ARHGAP24: variants seen among roughly 807,000 people sequenced by gnomAD.
ARHGAP24 encodes the protein rho GTPase-activating protein 24.
Under a neutral mutation model 76.4 loss-of-function variants are expected in ARHGAP24, and 50 were observed. That is an observed-to-expected ratio of 0.65 (90% CI 0.52 to 0.83). The LOEUF (loss-of-function observed/expected upper bound fraction) is 0.83, where lower values mean the gene tolerates loss of function less well. Ranked by LOEUF, ARHGAP24 falls within the 40% of genes least tolerant of loss-of-function variation. ARHGAP24 has a pLI of 0.00. For missense variants in ARHGAP24, 930 were observed against 914.2 expected (o/e 1.02, Z -0.22); for synonymous variants, 345 against 323.3 (o/e 1.07, Z -0.72).
chr4:85,681,192 A>G (rs368248778), intron 2 of ARHGAP24, among the ~76,000 whole-genome samples: 5 of 152,286 alleles, frequency 3.3e-5, no homozygotes, highest in African/African-American at 1.2e-4. Context: ...TTTATGAGAC[A>G]GTAGGATTAA....
At chr4:85,808,302 C>G (rs1728876154) in intron 3 of ARHGAP24, among the ~76,000 whole-genome samples, 1 of 152,300 alleles carries the variant, frequency 6.6e-6, no homozygotes, top group African/African-American at 2.4e-5. Flanking sequence ...TGTTAACTTA[C>G]TTTTCAACTC....
At chr4:85,648,641 C>T (rs1329171162) in intron 2 of ARHGAP24, among the ~76,000 whole-genome samples, 1 of 151,996 alleles carries the variant, frequency 6.6e-6, no homozygotes, top group Admixed American at 6.6e-5. Context: ...ATATGTCATA[C>T]AAGTGGAAAC....
At chr4:85,998,092 C>CTGTT (rs1198586461) in intron 9 of ARHGAP24, among the ~76,000 whole-genome samples, 1 of 152,146 alleles carries the variant, frequency 6.6e-6, no homozygotes, top group Non-Finnish European at 1.5e-5. Flanking sequence ...GAGATCAAGT[C>CTGTT]TGTTAATCAG....
chr4:85,839,835 T>G (rs1730491660), intron 3 of ARHGAP24, among the ~76,000 whole-genome samples: 1 of 139,672 alleles, frequency 7.2e-6, no homozygotes, highest in Non-Finnish European at 1.5e-5. Flanking sequence ...GTGTCTTTTT[T>G]CTGTTTTCTT....
At chr4:85,583,983 C>T (rs1383205727) in intron 2 of ARHGAP24, among the ~76,000 whole-genome samples, 1 of 149,028 alleles carries the variant, frequency 6.7e-6, no homozygotes, top group Admixed American at 6.6e-5. Context: ...AACACTTTGA[C>T]ACTGTTGGTG....
intron 4 of ARHGAP24, among the ~76,000 whole-genome samples, chr4:85,934,571 G>GT (rs1195292001): frequency 3.9e-5 from 6 of 152,156 alleles, no homozygotes; most frequent in Non-Finnish European, 7.3e-5. Flanking sequence ...CTGGAGTGCG[G>GT]TGGTGAAATC....
chr4:85,671,158 C>T (rs1560578583), intron 2 of ARHGAP24, among the ~76,000 whole-genome samples: 1 of 152,060 alleles, frequency 6.6e-6, no homozygotes, highest in Non-Finnish European at 1.5e-5. Flanking sequence ...GTTTAGTTTG[C>T]AAAACACAAT....
At chr4:85,620,901 T>C (rs1444195125) in intron 2 of ARHGAP24, among the ~76,000 whole-genome samples, 1 of 152,072 alleles carries the variant, frequency 6.6e-6, no homozygotes, top group African/African-American at 2.4e-5. Context: ...TAGTACCCAA[T>C]AGGTAGTTTT....
At chr4:85,531,631 G>A (rs1725263283) in intron 1 of ARHGAP24, among the ~76,000 whole-genome samples, 1 of 152,052 alleles carries the variant, frequency 6.6e-6, no homozygotes, top group Non-Finnish European at 1.5e-5. Context: ...TGCTTTAAAT[G>A]TAAAATAACT....
chr4:85,806,196 A>G (rs1055341804), intron 3 of ARHGAP24, among the ~76,000 whole-genome samples: 1 of 152,148 alleles, frequency 6.6e-6, no homozygotes, highest in Non-Finnish European at 1.5e-5. Flanking sequence ...TCAAAGAGTG[A>G]TAAATTAAAT....
chr4:85,793,007 A>AT (rs1728195081), intron 3 of ARHGAP24, among the ~76,000 whole-genome samples: 1 of 152,194 alleles, frequency 6.6e-6, no homozygotes, highest in East Asian at 1.9e-4. Flanking sequence ...TAAAGACAAT[A>AT]AGATAAATAG....
chr4:85,572,103 A>G (rs1727162589), intron 2 of ARHGAP24, among the ~76,000 whole-genome samples: 1 of 152,246 alleles, frequency 6.6e-6, no homozygotes, highest in South Asian at 2.1e-4. Flanking sequence ...AATCAAGATC[A>G]TAGGCAAATT....
chr4:85,944,539 G>A (rs1015543483), intron 5 of ARHGAP24, among the ~76,000 whole-genome samples: 2 of 152,134 alleles, frequency 1.3e-5, no homozygotes, highest in African/African-American at 4.8e-5. Context: ...GCTGATGATA[G>A]TTTCTTTTGT....
intron 3 of ARHGAP24, among the ~76,000 whole-genome samples, chr4:85,798,636 G>C (rs912257594): frequency 1.3e-5 from 2 of 152,160 alleles, no homozygotes; most frequent in Non-Finnish European, 1.5e-5. Context: ...TTTTACTATA[G>C]TTTCCAAAGA....
At chr4:85,631,742 A>G (rs1407650027) in intron 2 of ARHGAP24, among the ~76,000 whole-genome samples, 1 of 152,052 alleles carries the variant, frequency 6.6e-6, no homozygotes, top group African/African-American at 2.4e-5. Flanking sequence ...AAATGTATCT[A>G]TTGAACAACA....
intron 1 of ARHGAP24, among the ~76,000 whole-genome samples, chr4:85,539,514 C>T (rs1725597349): frequency 6.6e-6 from 1 of 152,000 alleles, no homozygotes; most frequent in Non-Finnish European, 1.5e-5. Context: ...AAAATCATAT[C>T]AAAGTACATA....
chr4:85,769,659 T>A (rs189860827), intron 3 of ARHGAP24, among the ~76,000 whole-genome samples: 2,231 of 151,994 alleles, frequency 0.015, 48 homozygotes, highest in African/African-American at 0.05. Context: ...CTTTTTTTTT[T>A]AAACAGAGTC....
intron 2 of ARHGAP24, among the ~76,000 whole-genome samples, chr4:85,597,274 A>G (rs1719872898): frequency 6.6e-6 from 1 of 152,062 alleles, no homozygotes; most frequent in Non-Finnish European, 1.5e-5. Flanking sequence ...TGCTTTCTTC[A>G]TTTATAGGGA....
chr4:85,876,955 A>T (rs1427593298), intron 3 of ARHGAP24, among the ~76,000 whole-genome samples: 1 of 148,184 alleles, frequency 6.7e-6, no homozygotes, highest in Non-Finnish European at 1.5e-5. Context: ...TAAAAAAAAC[A>T]GACTGAAGCT....
Sources: gnomAD v4.1 joint callset for allele counts (sites outside exome capture counted in the v4.1 genomes callset) on GRCh38, gnomAD v4.1.1 for gene constraint, MANE v1.5 for transcripts, NCBI Gene and HGNC (gene_info 2026-07-23, HGNC 2026-07-21) for gene names.